ZNF608: variants seen among roughly 807,000 people sequenced by gnomAD.
ZNF608 encodes renal carcinoma antigen NY-REN-36.
Under a neutral mutation model 109.0 loss-of-function variants are expected in ZNF608, and 12 were observed. That is an observed-to-expected ratio of 0.11 (90% CI 0.07 to 0.18). The LOEUF (loss-of-function observed/expected upper bound fraction) is 0.18. ZNF608 is among the 10% of genes least tolerant of loss of function. ZNF608 has a pLI of 1.00. For synonymous variants in ZNF608, 732 were observed against 717.4 expected, an observed-to-expected ratio of 1.02 and a Z score of -0.33; for missense variants, 1,707 against 1,879.3, an observed-to-expected ratio of 0.91 and a Z score of 1.70.
chr5:124,733,797 C>G (rs1749020002), intron 2 of ZNF608, among the ~76,000 whole-genome samples: 1 of 152,122 alleles, frequency 6.6e-6, no homozygotes, highest in Non-Finnish European at 1.5e-5. Flanking sequence ...ACAAAGAGCA[C>G]TCCGACTTCT....
intron 2 of ZNF608, among the ~76,000 whole-genome samples, chr5:124,723,439 G>A (rs1349845414): frequency 6.6e-6 from 1 of 152,176 alleles, no homozygotes; most frequent in Non-Finnish European, 1.5e-5. Context: ...TGTAATCCCA[G>A]CACTTTGGGA....
chr5:124,646,778 C>A lies in ZNF608; in HGVS notation c.3606G>T (p.Gln1202His). The A allele has an allele frequency of 1.9e-6, 3 of 1,614,240 alleles. No individual in the cohort carries two copies. The highest frequency in any genetic ancestry group is 2.7e-5 in the African/African-American group (2 of 75,070). The change falls in exon 5 of 10, where the codon CAG becomes CAT. Residue 1202 changes from glutamine to histidine, a missense_variant. This residue lies in a region of ZNF608 where 1,073 missense variants were observed against 1,133.5 expected (regional missense o/e 0.95). Transcript: ENST00000513986. Reference sequence around the variant, plus strand: ...CCTTAATAAGCTGGTGGTTTTCCATCTGCTTAGCTTTGAAGCTGTCGGCCT... The same window carrying A: ...CCTTAATAAGCTGGTGGTTTTCCATATGCTTAGCTTTGAAGCTGTCGGCCT... ...QLQADSFKAKQMENHQLIKEA... is the reference protein window; with the variant it reads ...QLQADSFKAKHMENHQLIKEA...
At chr5:124,701,545 C>T (rs1467325359) in intron 2 of ZNF608, among the ~76,000 whole-genome samples, 4 of 152,144 alleles carry the variant, frequency 2.6e-5, no homozygotes, top group Admixed American at 6.5e-5. Flanking sequence ...ATTGGACAAC[C>T]GTTAGCCTCA....
chr5:124,724,609 C>CGTGTGTGT (rs113446719), intron 2 of ZNF608, among the ~76,000 whole-genome samples: 3 of 146,976 alleles, frequency 2.0e-5, no homozygotes, highest in African/African-American at 7.5e-5. Context: ...TTCAACAGCA[C>CGTGTGTGT]GTGTGTGTGT....
chr5:124,686,431 AC>A (rs1752414537), intron 3 of ZNF608, among the ~76,000 whole-genome samples: 1 of 152,190 alleles, frequency 6.6e-6, no homozygotes, highest in African/African-American at 2.4e-5. Flanking sequence ...AGTGACTCTC[AC>A]ACACTTGCTT....
intron 2 of ZNF608, among the ~76,000 whole-genome samples, chr5:124,725,918 G>T: frequency 6.6e-6 from 1 of 152,042 alleles, no homozygotes; most frequent in Non-Finnish European, 1.5e-5. Context: ...GATATTCCCT[G>T]ATCTCTTTGC....
chr5:124,734,460 C>T (rs915409914), intron 2 of ZNF608, among the ~76,000 whole-genome samples: 9 of 152,118 alleles, frequency 5.9e-5, no homozygotes, highest in African/African-American at 2.2e-4. Context: ...GATGATCACC[C>T]TCTATACAGA....
intron 3 of ZNF608, among the ~76,000 whole-genome samples, chr5:124,661,483 G>GA (rs34532609): frequency 0.066 from 8,965 of 136,312 alleles, 399 homozygotes; most frequent in Middle Eastern, 0.16. Flanking sequence ...TTTCAGGGAA[G>GA]AAAAAAAAAA....
intron 2 of ZNF608, among the ~76,000 whole-genome samples, chr5:124,714,259 T>A (rs1396621648): frequency 3.9e-5 from 6 of 152,216 alleles, no homozygotes; most frequent in Non-Finnish European, 8.8e-5. Context: ...TTTATCTTAA[T>A]TGCCCCATAA....
intron 2 of ZNF608, among the ~76,000 whole-genome samples, chr5:124,702,987 A>C (rs1298399971): frequency 6.6e-6 from 1 of 152,168 alleles, no homozygotes; most frequent in Non-Finnish European, 1.5e-5. Flanking sequence ...GGGAAAAAAA[A>C]CAATGCTACC....
chr5:124,647,946 T>C lies in ZNF608; in HGVS notation c.2438A>G (p.Lys813Arg), dbSNP rs1376734792. The change falls in exon 5 of 10, where the codon AAA (lysine) becomes AGA (arginine). Residue 813 changes from lysine to arginine, a missense_variant. This residue lies in a region of ZNF608 where 1,073 missense variants were observed against 1,133.5 expected (regional missense o/e 0.95). Coordinates refer to ENST00000513986, the MANE Select transcript of ZNF608 (RefSeq NM_020747.3). ...PALVSLKDKK[K>R]KEKRKLKDKE... ...GTCCTTTAGCTTTCGCTTCTCCTTTTTCTTTTTGTCTTTGAGTGACACCAG... is the reference window on the plus strand; with the variant it reads ...GTCCTTTAGCTTTCGCTTCTCCTTTCTCTTTTTGTCTTTGAGTGACACCAG... 6 of 1,614,116 alleles carry C rather than the reference T, an allele frequency of 3.7e-6. No homozygotes were observed. In the East Asian group the frequency reaches 1.1e-4, roughly 30 times the overall value.
chr5:124,644,093 T>G lies in ZNF608; in HGVS notation c.4123+151A>C, dbSNP rs58451700. The G allele has an allele frequency of 5.5e-3, 3,940 of 715,536 alleles. 99 individuals are homozygous for G. The African/African-American group carries it at 0.057, about 10-fold the overall frequency. 44.3% of individuals were successfully genotyped at this position (715,536 alleles called of 1,614,324 possible). A position where few individuals can be genotyped will look rare whatever the true frequency, so the allele number is the denominator to read the frequency against. The stretch of plus-strand genomic sequence containing the variant: ...GACATTTCATTAAAAAAACTTATAT[T>G]AAATCAGTTTTATCTTTGGGACTTT... On this transcript the variant is annotated intron_variant, in intron 6 of 9. Transcript: ENST00000513986.
chr5:124,702,914 G>C (rs1433687412), intron 2 of ZNF608, among the ~76,000 whole-genome samples: 1 of 152,148 alleles, frequency 6.6e-6, no homozygotes, highest in Non-Finnish European at 1.5e-5. Flanking sequence ...CACACTGATA[G>C]TTCTTATTTT....
chr5:124,698,580 G>A (rs945280533), intron 3 of ZNF608, among the ~76,000 whole-genome samples: 2 of 152,178 alleles, frequency 1.3e-5, no homozygotes, highest in Non-Finnish European at 2.9e-5. Flanking sequence ...TCACAGAAAT[G>A]GATGGAACAG....
Position 124,720,053 on chromosome 5 carries a change from G to A in ZNF608, c.907-18784C>T, listed in dbSNP as rs963088963. On this transcript the variant is annotated intron_variant, in intron 2 of 9. Coordinates refer to ENST00000513986, the MANE Select transcript of ZNF608 (RefSeq NM_020747.3). ...AAACAACCAACAGGAGTATGGCTTT[G>A]GAAGTACTTAAACATAATTTAAGGT... Among the ~76,000 whole-genome samples, 23 of 152,160 alleles carry A rather than the reference G, an allele frequency of 1.5e-4. 1 individual carries two copies. The highest frequency in any genetic ancestry group is 2.4e-5 in the African/African-American group (1 of 41,430).
intron 3 of ZNF608, among the ~76,000 whole-genome samples, chr5:124,683,498 C>T (rs553974246): frequency 6.6e-6 from 1 of 152,104 alleles, no homozygotes; most frequent in Non-Finnish European, 1.5e-5. Flanking sequence ...CTATAAAATA[C>T]CTAAAACTGA....
chr5:124,708,794 G>C, intron 2 of ZNF608: 1 of 456,048 alleles, frequency 2.2e-6, no homozygotes, highest in South Asian at 1.5e-5. Flanking sequence ...GGATGGACCA[G>C]GGCTCTGGCC....
At chr5:124,643,399 C>T (rs1750338276) in intron 7 of ZNF608, 112 bp downstream of exon 7, 9 of 1,023,168 alleles carry the variant, frequency 8.8e-6, no homozygotes, top group Non-Finnish European at 1.3e-5. Flanking sequence ...AAACAGCATC[C>T]TGAAATCACA....
intron 3 of ZNF608, among the ~76,000 whole-genome samples, chr5:124,654,372 A>C (rs1750920437): frequency 1.3e-5 from 2 of 152,142 alleles, no homozygotes. Context: ...ACCGTTCTTC[A>C]TGTCACATTT....
Sources: allele counts gnomAD v4.1 joint callset (sites outside exome capture counted in the v4.1 genomes callset), GRCh38; gene constraint gnomAD v4.1.1; regional missense constraint gnomAD v4.1.1; transcripts MANE v1.5; gene names NCBI Gene and HGNC (gene_info 2026-07-23, HGNC 2026-07-21).